Variants in HEATR5A observed in about 807,000 individuals in gnomAD.
HEATR5A encodes HEAT repeat containing 5A.
A neutral mutation model predicts 218.8 loss-of-function variants in HEATR5A; 178 were observed. The observed-to-expected ratio is 0.81, with a 90% CI of 0.72 to 0.92. The LOEUF (loss-of-function observed/expected upper bound fraction) is 0.92, where lower values mean the gene tolerates loss of function less well. Ranked by LOEUF, HEATR5A falls within the 40% of genes least tolerant of loss-of-function variation. HEATR5A has a pLI of 0.00. For synonymous variants in HEATR5A, 864 were observed against 871.6 expected (o/e 0.99, Z 0.15); for missense variants, 2,420 against 2,418.9 (o/e 1.00, Z -0.01).
rs779673917 is a variant in HEATR5A, at chr14:31,344,017, C to T, written c.3107G>A (p.Cys1036Tyr). The T allele has an allele frequency of 2.5e-6, 4 of 1,604,642 alleles. No individual in the cohort carries two copies. In the East Asian group the frequency reaches 6.7e-5, roughly 27 times the overall value. Residue 1036 changes from cysteine (C) to tyrosine (Y), a missense_variant, in exon 21 of 36, where the codon TGT becomes TAT. Cys to Tyr is a radical substitution (Grantham distance 194, BLOSUM62 -2). Coordinates refer to ENST00000543095, the MANE Select transcript of HEATR5A (RefSeq NM_015473.4). ...STLRTSCLLG[C>Y]AVMQDNPDCL... Reference sequence around the variant, plus strand: ...GTCTGGGTTATCTTGCATTACTGCACAACCCAGTAGACAGGAAGTCCTTAA... The same window carrying T: ...GTCTGGGTTATCTTGCATTACTGCATAACCCAGTAGACAGGAAGTCCTTAA...
At chr14:31,389,893 C>T (rs953277780) in intron 6 of HEATR5A, among the ~76,000 whole-genome samples, 15 of 152,040 alleles carry the variant, frequency 9.9e-5, no homozygotes, top group Admixed American at 2.0e-4. Context: ...CAGCAATAAA[C>T]GTAATAAATG....
At chr14:31,384,356 A>G (rs1018565655) in intron 9 of HEATR5A, among the ~76,000 whole-genome samples, 10 of 151,456 alleles carry the variant, frequency 6.6e-5, no homozygotes, top group African/African-American at 2.4e-4. Flanking sequence ...AGGTGGGAGG[A>G]TCGCTTGAGC....
intron 26 of HEATR5A, 25 bp from the exon 27 acceptor site, chr14:31,315,974 A>G: frequency 6.7e-7 from 1 of 1,501,716 alleles, no homozygotes; most frequent in Non-Finnish European, 8.9e-7. Flanking sequence ...ATTAAAAGTT[A>G]TATTTTAAAA....
chr14:31,385,314 T>C (rs2030170509), intron 9 of HEATR5A, among the ~76,000 whole-genome samples: 1 of 152,138 alleles, frequency 6.6e-6, no homozygotes, highest in African/African-American at 2.4e-5. Context: ...AAATTTTTAG[T>C]AGAGAGGAGC....
intron 1 of HEATR5A, among the ~76,000 whole-genome samples, chr14:31,405,432 T>C (rs1257316206): frequency 2.0e-5 from 3 of 152,180 alleles, no homozygotes; most frequent in Non-Finnish European, 4.4e-5. Flanking sequence ...AGACTCTGTC[T>C]TGAACAACAA....
At chr14:31,375,998 A>T (rs901141910) in intron 11 of HEATR5A, among the ~76,000 whole-genome samples, 23 of 152,070 alleles carry the variant, frequency 1.5e-4, no homozygotes, top group African/African-American at 5.1e-4. Flanking sequence ...CATTCTGCTG[A>T]CTGTATGTCT....
chr14:31,374,993 T>C, intron 11 of HEATR5A, 25 bp from the exon 12 acceptor site: 1 of 1,571,316 alleles, frequency 6.4e-7, no homozygotes, highest in Non-Finnish European at 8.6e-7. Context: ...ACTTGTCACT[T>C]GTAAGAGAAT....
chr14:31,328,642 G>A (rs1900354391), intron 22 of HEATR5A, among the ~76,000 whole-genome samples: 1 of 152,158 alleles, frequency 6.6e-6, no homozygotes, highest in African/African-American at 2.4e-5. Context: ...CACTTTGGGA[G>A]GCTGAGGCAG....
chr14:31,403,109 G>T lies in HEATR5A; in HGVS notation c.-74-60C>A, dbSNP rs951038738. On this transcript the variant is annotated intron_variant, in intron 1 of 35. Coordinates refer to ENST00000543095, the MANE Select transcript of HEATR5A (RefSeq NM_015473.4). Reference sequence around the variant, plus strand: ...GGGTAAAAAGGAAGGCAATCATAACGGAAATCAGAAAAGTGAAAACATAAT... The same window carrying T: ...GGGTAAAAAGGAAGGCAATCATAACTGAAATCAGAAAAGTGAAAACATAAT... 33 of 754,818 alleles carry T rather than the reference G, an allele frequency of 4.4e-5. No individual in the cohort carries two copies. The African/African-American group carries it at 5.8e-4, about 13-fold the overall frequency. The allele number at this position is 754,818 out of a possible 1,614,324, so 46.8% of individuals were successfully genotyped here.
chr14:31,294,451 C>T (rs2139116914), intron 34 of HEATR5A, among the ~76,000 whole-genome samples: 1 of 148,056 alleles, frequency 6.8e-6, no homozygotes, highest in East Asian at 2.0e-4. Flanking sequence ...TTTTGAGTGC[C>T]CAGGCTGGAG....
At position 31,377,125 on chromosome 14, in the gene HEATR5A, T is replaced by TAAAA. The variant is rs35859115; in HGVS notation, c.1709-2161_1709-2158dup. On this transcript the variant is annotated intron_variant, in intron 11 of 35. Transcript: ENST00000543095. ...GGTAACATGGTGAGACCCTGTCTCT[T>TAAAA]AAAAAAAAAAAAAAAAAAAAAAATT... Among the ~76,000 whole-genome samples the TAAAA allele has an allele frequency of 3.1e-3, 383 of 125,510 alleles. 3 individuals are homozygous for TAAAA. The highest frequency in any genetic ancestry group is 0.029 in the Admixed American group (345 of 11,838). The allele number at this position is 125,510 out of a possible 152,430, so 82.3% of individuals were successfully genotyped here.
intron 9 of HEATR5A, among the ~76,000 whole-genome samples, chr14:31,385,717 T>C (rs1405757902): frequency 2.0e-5 from 3 of 151,978 alleles, no homozygotes; most frequent in African/African-American, 4.8e-5. Context: ...GTAAACTTCA[T>C]GGTAAGTGAT....
rs377539355 is a variant in HEATR5A at position 31,400,307 on chromosome 14, G to A, written c.332C>T (p.Thr111Ile). 53 of 1,529,020 alleles carry A rather than the reference G, an allele frequency of 3.5e-5. No homozygotes were observed. In the African/African-American group the frequency reaches 6.9e-4, roughly 20 times the overall value. The allele number at this position is 1,529,020 out of a possible 1,614,324, so 94.7% of individuals were successfully genotyped here. A position where few individuals can be genotyped will look rare whatever the true frequency, so the allele number is the denominator to read the frequency against. The part of the protein sequence containing the change: ...SKDDSPSYLP[T>I]KLAAVVCLGS... ...GTTTTAATGTTTCACTTACAGCTTAGTGGGAAGATAACTTGGAGAATCATC... is the reference window on the plus strand; with the variant it reads ...GTTTTAATGTTTCACTTACAGCTTAATGGGAAGATAACTTGGAGAATCATC... Residue 111 changes from threonine (T) to isoleucine (I), a missense_variant, in exon 3 of 36, where the codon ACT becomes ATT. By Grantham distance (89) the Thr-to-Ile change is moderately conservative. Coordinates refer to ENST00000543095, the MANE Select transcript of HEATR5A (RefSeq NM_015473.4).
rs1194452464 is a variant in HEATR5A, at chr14:31,294,101, G to C, written c.5623C>G (p.Gln1875Glu). 2.5e-6 allele frequency: 4 copies of C among 1,571,798 alleles called. No homozygotes were observed. Among genetic ancestry groups the C allele is most frequent in the Non-Finnish European group, 3.5e-6 (4 of 1,154,560 alleles). ...TGTAGGAGCTGGTAGGTCTTGATTT[G>C]TACCTAATAAGGTAAGAGAAAAGAA... ...ATLEIKDPVV[Q>E]IKTYQLLHSI... Residue 1875 changes from glutamine to glutamate, a missense_variant, in exon 35 of 36, where the codon CAA becomes GAA. Physicochemically the swap from Gln to Glu is conservative, Grantham distance 29. Transcript: ENST00000543095.
At position 31,292,461 on chromosome 14, in the gene HEATR5A, T is replaced by C. The variant is rs899296605; in HGVS notation, c.*844A>G. The C allele has an allele frequency of 6.6e-6, 1 of 152,234 alleles. No homozygotes were observed. The allele number at this position is 152,234 out of a possible 1,614,324, so 9.4% of individuals were successfully genotyped here. On this transcript the variant is annotated 3_prime_UTR_variant, in exon 36 of 36. Transcript: ENST00000543095. The stretch of plus-strand genomic sequence containing the variant: ...AATCTTATGTTGCACTGTAAGGCTG[T>C]AAGTAATTTGTACTATTGTATACTG...
intron 10 of HEATR5A, among the ~76,000 whole-genome samples, chr14:31,382,454 A>G (rs1218877315): frequency 6.6e-6 from 1 of 152,182 alleles, no homozygotes; most frequent in Non-Finnish European, 1.5e-5. Flanking sequence ...TTTTTTAAAT[A>G]TATTTACGAG....
chr14:31,343,271 T>G (rs1375616161), intron 21 of HEATR5A, among the ~76,000 whole-genome samples: 6 of 152,106 alleles, frequency 3.9e-5, no homozygotes, highest in Non-Finnish European at 5.9e-5. Context: ...TTTTGTATTT[T>G]TAGTAGAGAC....
At chr14:31,347,961 C>T in intron 18 of HEATR5A, 54 bp from the exon 19 acceptor site, 1 of 1,171,330 alleles carries the variant, frequency 8.5e-7, no homozygotes, top group Non-Finnish European at 1.1e-6. Flanking sequence ...AAAAAAAACA[C>T]AAAAACTAAT....
intron 11 of HEATR5A, among the ~76,000 whole-genome samples, chr14:31,377,924 G>A (rs1410051499): frequency 6.6e-6 from 1 of 152,162 alleles, no homozygotes; most frequent in Non-Finnish European, 1.5e-5. Context: ...TGCTGATTAT[G>A]CATATGCCGT....
Sources: gnomAD v4.1 joint callset for allele counts (sites outside exome capture counted in the v4.1 genomes callset) on GRCh38, gnomAD v4.1.1 for gene constraint, MANE v1.5 for transcripts, NCBI Gene and HGNC (gene_info 2026-07-23, HGNC 2026-07-21) for gene names.